The following ARHGEF1 variants were observed in gnomAD, a reference collection of about 807,000 sequenced individuals.
The protein encoded by ARHGEF1 is Rho guanine nucleotide exchange factor 1.
ARHGEF1 carries 40 observed loss-of-function variants against 119.7 expected under a neutral mutation model. The ratio of observed to expected loss-of-function variants is 0.33; its 90% CI spans 0.26 to 0.44. ARHGEF1 has a LOEUF of 0.44. ARHGEF1 is among the 20% of genes least tolerant of loss of function. The pLI is 1.00. For missense variants in ARHGEF1, 976 were observed against 1,268.3 expected (o/e 0.77, Z 3.50); for synonymous variants, 494 against 521.0 (o/e 0.95, Z 0.71).
At chr19:41,898,322 C>T (rs1321541451) in intron 13 of ARHGEF1, 120 bp from the exon 14 acceptor site, 25 of 1,459,274 alleles carry the variant, frequency 1.7e-5, no homozygotes, top group Middle Eastern at 1.7e-4. Flanking sequence ...GTCTGCTGCA[C>T]GGGCCACCCT....
rs1342673298 is a variant in ARHGEF1, at chr19:41,917,438, C to T, written c.1866-5654C>T. Reference sequence around the variant, plus strand: ...CCGCCTCGGGAGCCGCCTCGGGCCTCGCACCCCCACCACCAGCCCCTTCAT... The same window carrying T: ...CCGCCTCGGGAGCCGCCTCGGGCCTTGCACCCCCACCACCAGCCCCTTCAT... On this transcript the variant is annotated intron_variant, in intron 18 of 20. Coordinates refer to the ARHGEF1 transcript ENST00000599589. This position sits in a 1 kb window ranked among gnomAD's most constrained non-coding sequence, Gnocchi z 4.8. 2.6e-5 allele frequency among the ~76,000 whole-genome samples: 4 copies of T among 151,990 alleles called. No individual in the cohort carries two copies. Among genetic ancestry groups the T allele is most frequent in the African/African-American group, 9.7e-5 (4 of 41,378 alleles).
At position 41,907,093 on chromosome 19, in the gene ARHGEF1, TA is replaced by T; in HGVS notation, c.*18-11del. 6.7e-7 allele frequency: 1 copy of T among 1,498,552 alleles called. No homozygotes were observed. The highest frequency in any genetic ancestry group is 8.8e-7 in the Non-Finnish European group (1 of 1,130,876). The allele number at this position is 1,498,552 out of a possible 1,614,324, so 92.8% of individuals were successfully genotyped here. A position where few individuals can be genotyped will look rare whatever the true frequency, so the allele number is the denominator to read the frequency against. ...TCTCTCCCCGTCTCCCCTCTTCTCC[TA>T]CATCCCCCAGGCCTTTTGCAAGAAG... is the stretch of plus-strand genomic sequence containing the variant. On this transcript the variant is annotated splice_polypyrimidine_tract_variant and intron_variant, in intron 28 of 28. Transcript: ENST00000354532.
At chr19:41,891,575 T>A (rs1021198547) in intron 4 of ARHGEF1, among the ~76,000 whole-genome samples, 10 of 152,224 alleles carry the variant, frequency 6.6e-5, no homozygotes, top group Non-Finnish European at 1.0e-4. Flanking sequence ...TGAGCCACTG[T>A]GCCTAGCCTA....
At chr19:41,897,269 G>C (rs1481699795) in intron 13 of ARHGEF1, 7 of 1,281,390 alleles carry the variant, frequency 5.5e-6, no homozygotes, top group Non-Finnish European at 1.0e-6. Flanking sequence ...AGGTGGGTCA[G>C]GTTCCATCTG....
upstream of ARHGEF1, among the ~76,000 whole-genome samples, chr19:41,922,549 A>C (rs1229965463): frequency 6.6e-6 from 1 of 152,194 alleles, no homozygotes; most frequent in African/African-American, 2.4e-5. Flanking sequence ...ATGGGGTCAA[A>C]GACCCAGGAG....
Position 41,907,129 on chromosome 19 carries a change from G to T in ARHGEF1, c.*42G>T. On this transcript the variant is annotated 3_prime_UTR_variant, in exon 29 of 29. Coordinates refer to ENST00000354532, the MANE Select transcript of ARHGEF1 (RefSeq NM_004706.4). ...GGCCTTTTGCAAGAAGGAGAGGAAT[G>T]GGGGAGAGGACGTGAGGGACCACCC... is the stretch of plus-strand genomic sequence containing the variant. 6.5e-7 allele frequency: 1 copy of T among 1,530,434 alleles called. No individual in the cohort carries two copies. Among genetic ancestry groups the T allele is most frequent in the Non-Finnish European group, 8.7e-7 (1 of 1,144,432 alleles). 94.8% of individuals were successfully genotyped at this position (1,530,434 alleles called of 1,614,324 possible).
Position 41,916,457 on chromosome 19 carries a change from A to G in ARHGEF1, c.1866-6635A>G, listed in dbSNP as rs1188632498. ...TCAGCATAGTCACAGATGCACAGAAACAGACACACAGTTTTACACAAATAC... is the reference window on the plus strand; with the variant it reads ...TCAGCATAGTCACAGATGCACAGAAGCAGACACACAGTTTTACACAAATAC... On this transcript the variant is annotated intron_variant, in intron 18 of 20. Transcript: ENST00000599589. The surrounding 1 kb of genome is among the most constrained non-coding windows in gnomAD (Gnocchi z 5.4). Among the ~76,000 whole-genome samples the G allele has an allele frequency of 6.6e-6, 1 of 152,118 alleles. No homozygotes were observed. Among genetic ancestry groups the G allele is most frequent in the East Asian group, 1.9e-4 (1 of 5,186 alleles).
chr19:41,920,576 G>C (rs558165653), upstream of ARHGEF1, among the ~76,000 whole-genome samples: 2 of 151,586 alleles, frequency 1.3e-5, no homozygotes, highest in South Asian at 4.2e-4. Context: ...ACTCACAGAC[G>C]TGATGCACTC....
Position 41,902,265 on chromosome 19 carries a change from C to T in ARHGEF1, c.1415-9C>T, listed in dbSNP as rs1291220669. ...CTGGTGGAGCATCCCTTTCCTCCTGCCCCCACAGCCCTGTTCCTCGATCGC... is the reference window on the plus strand; with the variant it reads ...CTGGTGGAGCATCCCTTTCCTCCTGTCCCCACAGCCCTGTTCCTCGATCGC... On this transcript the variant is annotated splice_polypyrimidine_tract_variant and intron_variant, in intron 15 of 28. Coordinates refer to ENST00000354532, the MANE Select transcript of ARHGEF1 (RefSeq NM_004706.4). The surrounding 1 kb of genome is among the most constrained non-coding windows in gnomAD (Gnocchi z 6.5). 2 of 1,614,026 alleles carry T rather than the reference C, an allele frequency of 1.2e-6. No homozygotes were observed. Among genetic ancestry groups the T allele is most frequent in the East Asian group, 2.2e-5 (1 of 44,886 alleles).
At position 41,889,088 on chromosome 19, in the gene ARHGEF1, G is replaced by A. The variant is rs561658345; in HGVS notation, c.225+223G>A. On this transcript the variant is annotated intron_variant, in intron 4 of 28. Transcript: ENST00000354532. The surrounding 1 kb of genome is among the most constrained non-coding windows in gnomAD (Gnocchi z 4.0). Reference sequence around the variant, plus strand: ...CCCAGGGTAGATCTCAGTGCGCAGCGGGCAGGGTACACACGTCAGGACCCC... The same window carrying A: ...CCCAGGGTAGATCTCAGTGCGCAGCAGGCAGGGTACACACGTCAGGACCCC... 8 of 516,176 alleles carry A rather than the reference G, an allele frequency of 1.5e-5. No individual in the cohort carries two copies. Among genetic ancestry groups the A allele is most frequent in the East Asian group, 6.4e-5 (2 of 31,230 alleles). The allele number at this position is 516,176 out of a possible 1,614,324, so 32.0% of individuals were successfully genotyped here. A position where few individuals can be genotyped will look rare whatever the true frequency, so the allele number is the denominator to read the frequency against.
At chr19:41,926,242 T>A (rs970036266) in intron 1 of ARHGEF1, among the ~76,000 whole-genome samples, 2 of 150,990 alleles carry the variant, frequency 1.3e-5, no homozygotes, top group Non-Finnish European at 3.0e-5. Flanking sequence ...ACCAGACATC[T>A]TAAGGGCAGG....
At chr19:41,896,595 G>A (rs1474025410) in intron 13 of ARHGEF1, 113 bp downstream of exon 13, 1 of 825,374 alleles carries the variant, frequency 1.2e-6, no homozygotes, top group Non-Finnish European at 2.1e-6. Flanking sequence ...TGCTCCCCAT[G>A]CTCCTCTGCT....
chr19:41,891,562 G>A (rs2074377167), intron 4 of ARHGEF1, among the ~76,000 whole-genome samples: 1 of 152,232 alleles, frequency 6.6e-6, no homozygotes, highest in South Asian at 2.1e-4. Context: ...GGGATTACAG[G>A]TGTGAGCCAC....
chr19:41,908,476 T>TG (rs1555850920), downstream of ARHGEF1: 4 of 1,231,368 alleles, frequency 3.2e-6, no homozygotes, highest in Non-Finnish European at 3.0e-6. The surrounding 1 kb of genome is among the most constrained non-coding windows in gnomAD (Gnocchi z 6.7). Flanking sequence ...GGCGTGGCTG[T>TG]GGGGCCTCCC....
intron 13 of ARHGEF1, 92 bp downstream of exon 13, chr19:41,896,574 TC>T (rs2123454247): frequency 9.9e-7 from 1 of 1,007,048 alleles, no homozygotes; most frequent in Non-Finnish European, 1.5e-6. Context: ...TGCCTGCCTG[TC>T]CCAGGCTCTT....
intron 1 of ARHGEF1, among the ~76,000 whole-genome samples, chr19:41,925,317 G>A (rs938657976): frequency 2.0e-5 from 3 of 152,086 alleles, no homozygotes; most frequent in Non-Finnish European, 2.9e-5. Context: ...TGGGAAATTA[G>A]GTATGTGGGA....
intron 14 of ARHGEF1, among the ~76,000 whole-genome samples, chr19:41,900,283 A>G (rs1159701035): frequency 1.3e-5 from 2 of 152,162 alleles, no homozygotes; most frequent in Admixed American, 6.5e-5. Flanking sequence ...GGAGGTTGCA[A>G]TGAACCCAGA....
chr19:41,926,729 G>A (rs1044583701), intron 1 of ARHGEF1, among the ~76,000 whole-genome samples: 1 of 152,068 alleles, frequency 6.6e-6, no homozygotes, highest in Admixed American at 6.5e-5. Flanking sequence ...GGGAGCGGGC[G>A]GGGGGGCCGT....
At chr19:41,908,063 A>C (rs2145878019), downstream of ARHGEF1, 12 of 457,096 alleles carry the variant, frequency 2.6e-5, no homozygotes, top group African/African-American at 4.1e-5. The surrounding 1 kb of genome is among the most constrained non-coding windows in gnomAD (Gnocchi z 6.7). Flanking sequence ...TGGAGGGGGA[A>C]GTGAGACCCC....
Sources: allele counts gnomAD v4.1 joint callset (sites outside exome capture counted in the v4.1 genomes callset), GRCh38; gene constraint gnomAD v4.1.1; non-coding constraint Gnocchi (gnomAD v3.1); transcripts MANE v1.5; gene names NCBI Gene and HGNC (gene_info 2026-07-23, HGNC 2026-07-21).